Variants in EFNA5 observed in about 807,000 individuals in gnomAD.
EFNA5 encodes the protein ephrin-A5.
EFNA5 carries 5 observed loss-of-function variants against 22.9 expected under a neutral mutation model. That is an observed-to-expected ratio of 0.22 (90% CI 0.11 to 0.46). EFNA5 has a LOEUF of 0.46. EFNA5 is among the 20% of genes least tolerant of loss of function. The pLI is 0.99. For synonymous variants in EFNA5, 113 were observed against 112.2 expected, an observed-to-expected ratio of 1.01 and a Z score of -0.04; for missense variants, 237 against 293.3, an observed-to-expected ratio of 0.81 and a Z score of 1.40.
At chr5:107,552,082 G>A (rs536890972) in intron 1 of EFNA5, among the ~76,000 whole-genome samples, 2 of 151,760 alleles carry the variant, frequency 1.3e-5, no homozygotes, top group South Asian at 4.2e-4. Context: ...ACTATAAAAA[G>A]TGACTTAAAA....
intron 1 of EFNA5, among the ~76,000 whole-genome samples, chr5:107,479,364 A>C (rs1417862930): frequency 6.6e-6 from 1 of 152,230 alleles, no homozygotes; most frequent in African/African-American, 2.4e-5. Context: ...TGATCAGAGT[A>C]ATAATTGAGC....
chr5:107,541,636 C>A (rs2112460579), intron 1 of EFNA5, among the ~76,000 whole-genome samples: 1 of 152,318 alleles, frequency 6.6e-6, no homozygotes, highest in East Asian at 1.9e-4. Flanking sequence ...TGCACACACA[C>A]AAATCCCAGA....
chr5:107,618,640 G>A (rs889951155), intron 1 of EFNA5, among the ~76,000 whole-genome samples: 1 of 152,190 alleles, frequency 6.6e-6, no homozygotes, highest in Non-Finnish European at 1.5e-5. Context: ...GGGTTAGAAT[G>A]AGAAGGAAAA....
chr5:107,480,652 G>T, intron 1 of EFNA5, among the ~76,000 whole-genome samples: 1 of 152,154 alleles, frequency 6.6e-6, no homozygotes, highest in East Asian at 1.9e-4. Flanking sequence ...TGTATAAAAA[G>T]CAAATAAAGC....
intron 1 of EFNA5, among the ~76,000 whole-genome samples, chr5:107,476,058 T>TATATATATATATA: frequency 4.9e-5 from 2 of 41,114 alleles, no homozygotes; most frequent in East Asian, 7.1e-4. Context: ...ATATATATAT[T>TATATATATATATA]TTTTTTTTTT....
intron 1 of EFNA5, among the ~76,000 whole-genome samples, chr5:107,619,800 A>C (rs1749999572): frequency 6.6e-6 from 1 of 152,106 alleles, no homozygotes; most frequent in African/African-American, 2.4e-5. Flanking sequence ...GTAGCATCAC[A>C]ATCCTTAGGC....
At chr5:107,445,742 T>C (rs574754578) in intron 1 of EFNA5, among the ~76,000 whole-genome samples, 4 of 152,286 alleles carry the variant, frequency 2.6e-5, no homozygotes, top group African/African-American at 4.8e-5. Flanking sequence ...TCTGAACCAC[T>C]TGGGAGGTGT....
Position 107,545,987 on chromosome 5 carries a change from C to T in EFNA5, c.126-118478G>A, listed in dbSNP as rs550452364. 1.4e-4 allele frequency among the ~76,000 whole-genome samples: 21 copies of T among 152,122 alleles called. No homozygotes were observed. The South Asian group carries it at 4.2e-3, about 30-fold the overall frequency. On this transcript the variant is annotated intron_variant, in intron 1 of 4. Transcript: ENST00000333274. ...TTAGTGTTTTGTTTTTAATTGAAATCCAACATCAAATAACATGCCTGCAAT... is the reference window on the plus strand; with the variant it reads ...TTAGTGTTTTGTTTTTAATTGAAATTCAACATCAAATAACATGCCTGCAAT...
intron 2 of EFNA5, among the ~76,000 whole-genome samples, chr5:107,397,519 G>A (rs1747960592): frequency 6.6e-6 from 1 of 150,976 alleles, no homozygotes; most frequent in African/African-American, 2.4e-5. Context: ...CTGCACTCTA[G>A]TCTGGGTGAC....
At chr5:107,644,375 G>A (rs551578399) in intron 1 of EFNA5, among the ~76,000 whole-genome samples, 1 of 152,038 alleles carries the variant, frequency 6.6e-6, no homozygotes, top group South Asian at 2.1e-4. Context: ...TCATTATGTA[G>A]AAAAAAATGA....
intron 1 of EFNA5, among the ~76,000 whole-genome samples, chr5:107,437,230 C>A (rs1398919914): frequency 6.6e-6 from 1 of 151,980 alleles, no homozygotes; most frequent in African/African-American, 2.4e-5. Context: ...CTTCATCAGA[C>A]AAGGGGAAGC....
At chr5:107,563,444 G>A (rs1014579706) in intron 1 of EFNA5, among the ~76,000 whole-genome samples, 3 of 151,608 alleles carry the variant, frequency 2.0e-5, no homozygotes, top group Non-Finnish European at 4.4e-5. Context: ...TATTATTATT[G>A]TCATTATTTT....
chr5:107,392,964 A>T (rs1747828974), intron 2 of EFNA5, among the ~76,000 whole-genome samples: 1 of 152,256 alleles, frequency 6.6e-6, no homozygotes, highest in Non-Finnish European at 1.5e-5. Flanking sequence ...TCACTCCAGT[A>T]TTAAAAAGTG....
chr5:107,634,825 A>C (rs1332560868), intron 1 of EFNA5, among the ~76,000 whole-genome samples: 1 of 112,886 alleles, frequency 8.9e-6, no homozygotes, highest in African/African-American at 2.7e-5. Flanking sequence ...ATGTTTAAAA[A>C]AGGTAGAACA....
At chr5:107,619,622 G>A (rs1189066711) in intron 1 of EFNA5, among the ~76,000 whole-genome samples, 2 of 151,566 alleles carry the variant, frequency 1.3e-5, no homozygotes, top group Non-Finnish European at 2.9e-5. Flanking sequence ...TACCATACCC[G>A]GCTAATTTTT....
intron 1 of EFNA5, among the ~76,000 whole-genome samples, chr5:107,638,222 G>A (rs1370752805): frequency 6.6e-6 from 1 of 152,064 alleles, no homozygotes; most frequent in Admixed American, 6.6e-5. Flanking sequence ...AAGGGTTCCT[G>A]CTTTCCAATC....
At chr5:107,406,611 C>G (rs1748229867) in intron 2 of EFNA5, among the ~76,000 whole-genome samples, 1 of 152,048 alleles carries the variant, frequency 6.6e-6, no homozygotes, top group African/African-American at 2.4e-5. Context: ...CACAATTTCC[C>G]CAGCTTCACA....
intron 1 of EFNA5, among the ~76,000 whole-genome samples, chr5:107,480,912 G>A (rs1362680996): frequency 1.3e-5 from 2 of 152,072 alleles, no homozygotes; most frequent in Admixed American, 6.6e-5. Context: ...TGAACAAAGA[G>A]ACAGCTTTAT....
intron 1 of EFNA5, among the ~76,000 whole-genome samples, chr5:107,600,184 G>C (rs915277379): frequency 6.6e-6 from 1 of 152,154 alleles, no homozygotes; most frequent in Non-Finnish European, 1.5e-5. Flanking sequence ...GGTGACAGAA[G>C]GGAAATGAAT....
Sources: gnomAD v4.1 joint callset for allele counts (sites outside exome capture counted in the v4.1 genomes callset) on GRCh38, gnomAD v4.1.1 for gene constraint, MANE v1.5 for transcripts, NCBI Gene and HGNC (gene_info 2026-07-23, HGNC 2026-07-21) for gene names.